CWC22: variants seen among roughly 807,000 people sequenced by gnomAD.
CWC22 encodes pre-mRNA-splicing factor CWC22 homolog.
Under a neutral mutation model 117.2 loss-of-function variants are expected in CWC22, and 53 were observed. The observed-to-expected ratio is 0.45, with a 90% CI of 0.36 to 0.57. CWC22 has a LOEUF of 0.57. Ranked by LOEUF, CWC22 falls within the 20% of genes least tolerant of loss-of-function variation. The pLI is 0.00. For missense variants in CWC22, 980 were observed against 1,068.8 expected (o/e 0.92, Z 1.16); for synonymous variants, 360 against 355.6 (o/e 1.01, Z -0.14).
At position 179,945,044 on chromosome 2, in the gene CWC22, G is replaced by T. The variant is rs1686253737; in HGVS notation, c.*85C>A. On this transcript the variant is annotated 3_prime_UTR_variant, in exon 20 of 20. Transcript: ENST00000410053. The stretch of plus-strand genomic sequence containing the variant: ...AAATACAAACCAATACTTTATACAA[G>T]AATTCTCTATAAAGTTCGTCAAAGT... 2.3e-6 allele frequency: 2 copies of T among 882,578 alleles called. No homozygotes were observed. The highest frequency in any genetic ancestry group is 3.4e-6 in the Non-Finnish European group (2 of 596,252). The allele number at this position is 882,578 out of a possible 1,614,324, so 54.7% of individuals were successfully genotyped here. A position where few individuals can be genotyped will look rare whatever the true frequency, so the allele number is the denominator to read the frequency against.
chr2:179,949,517 G>A (rs1033674902), intron 19 of CWC22, among the ~76,000 whole-genome samples: 7 of 152,070 alleles, frequency 4.6e-5, no homozygotes, highest in East Asian at 1.9e-4. Flanking sequence ...TGAAAAAGAC[G>A]GTCAATTTGA....
Position 179,945,114 on chromosome 2 carries a change from T to A in CWC22, c.*15A>T. The A allele has an allele frequency of 6.4e-7, 1 of 1,560,790 alleles. No individual in the cohort carries two copies. The highest frequency in any genetic ancestry group is 8.7e-7 in the Non-Finnish European group (1 of 1,154,238). The stretch of plus-strand genomic sequence containing the variant: ...CTGAATATAAGGCATGTCCAGTTTA[T>A]GTCATTTTGTAGAATTATTTTTGTT... On this transcript the variant is annotated 3_prime_UTR_variant, in exon 20 of 20. Transcript: ENST00000410053.
chr2:179,954,170 A>G, intron 16 of CWC22, 35 bp downstream of exon 16: 1 of 1,513,948 alleles, frequency 6.6e-7, no homozygotes, highest in South Asian at 1.2e-5. Flanking sequence ...ACAGGGAATT[A>G]GGAAGGAAGT....
In CWC22 at chr2:179,965,941, C is replaced by T; in HGVS notation, c.1252G>A (p.Asp418Asn). The change falls in exon 12 of 20, where the codon GAT (aspartate) becomes AAT (asparagine). Residue 418 changes from aspartate (D) to asparagine (N), a missense_variant. Coordinates refer to ENST00000410053, the MANE Select transcript of CWC22 (RefSeq NM_020943.3). ...TCGTCCTCTTCACTACTCCCAGCAT[C>T]CTGGTCTGTGTTCGAGTCAGTATCT... ...EGDTDSNTDQ[D>N]AGSSEEDEEE... 6.2e-7 allele frequency: 1 copy of T among 1,612,366 alleles called. No homozygotes were observed.
chr2:180,006,217 T>C (rs1483908823), intron 1 of CWC22, among the ~76,000 whole-genome samples: 1 of 152,230 alleles, frequency 6.6e-6, no homozygotes, highest in Non-Finnish European at 1.5e-5. Context: ...AATTCTTGCA[T>C]CTAGAATAGC....
intron 3 of CWC22, 109 bp downstream of exon 3, chr2:179,988,468 C>T (rs1687474955): frequency 4.8e-6 from 3 of 625,512 alleles, no homozygotes; most frequent in Non-Finnish European, 8.4e-6. Flanking sequence ...GTTATAAAAC[C>T]ATTAAAAAGA....
At chr2:179,986,094 G>A (rs1687412250) in intron 4 of CWC22, among the ~76,000 whole-genome samples, 1 of 151,964 alleles carries the variant, frequency 6.6e-6, no homozygotes, top group East Asian at 1.9e-4. Flanking sequence ...TCATTCCAAT[G>A]TTTCTTACCA....
At chr2:179,992,490 C>G (rs1436624874) in intron 2 of CWC22, among the ~76,000 whole-genome samples, 1 of 152,044 alleles carries the variant, frequency 6.6e-6, no homozygotes, top group Non-Finnish European at 1.5e-5. Flanking sequence ...TCAATGGGCC[C>G]TACTCATCCC....
Position 179,945,735 on chromosome 2 carries a change from G to A in CWC22, c.2141-20C>T. The A allele has an allele frequency of 1.5e-6, 2 of 1,368,156 alleles. No homozygotes were observed. The highest frequency in any genetic ancestry group is 2.0e-6 in the Non-Finnish European group (2 of 992,850). 84.8% of individuals were successfully genotyped at this position (1,368,156 alleles called of 1,614,324 possible). A position where few individuals can be genotyped will look rare whatever the true frequency, so the allele number is the denominator to read the frequency against. On this transcript the variant is annotated intron_variant, in intron 19 of 19. Coordinates refer to ENST00000410053, the MANE Select transcript of CWC22 (RefSeq NM_020943.3). ...CATTAGCTGCGTGTGTAAAATAAAA[G>A]ACAGTTAGCTTTTATTTCAATCTTA...
Position 179,971,094 on chromosome 2 carries a change from T to A in CWC22, c.805-18A>T. 2 of 1,485,384 alleles carry A rather than the reference T, an allele frequency of 1.3e-6. No homozygotes were observed. The highest frequency in any genetic ancestry group is 1.3e-5 in the South Asian group (1 of 74,438). 92.0% of individuals were successfully genotyped at this position (1,485,384 alleles called of 1,614,324 possible). ...TCGTGTGCCTTAAATAAAATACATA[T>A]ACAAGGAAGAAACAAAATGCTTTTA... On this transcript the variant is annotated intron_variant, in intron 8 of 19. Transcript: ENST00000410053.
At chr2:179,973,309 T>G in intron 7 of CWC22, 63 bp from the exon 8 acceptor site, 1 of 1,134,138 alleles carries the variant, frequency 8.8e-7, no homozygotes, top group Non-Finnish European at 1.3e-6. Flanking sequence ...ATTTACATAA[T>G]CTATGGCCTA....
chr2:179,956,505 A>G (rs936723175), intron 14 of CWC22, among the ~76,000 whole-genome samples: 4 of 151,428 alleles, frequency 2.6e-5, no homozygotes, highest in African/African-American at 9.7e-5. Context: ...CTGATACTCA[A>G]GGAACAATCT....
chr2:179,959,999 G>A (rs937927641), intron 13 of CWC22, among the ~76,000 whole-genome samples: 9 of 151,902 alleles, frequency 5.9e-5, no homozygotes, highest in Non-Finnish European at 8.8e-5. Flanking sequence ...AGATAAAAGG[G>A]TTTCTATTCT....
intron 6 of CWC22, among the ~76,000 whole-genome samples, chr2:179,974,044 C>T (rs1243359266): frequency 6.6e-6 from 1 of 152,150 alleles, no homozygotes; most frequent in Non-Finnish European, 1.5e-5. Flanking sequence ...AAATTTTTCT[C>T]TCTACATATA....
At chr2:179,994,832 C>A (rs10754991) in intron 1 of CWC22, among the ~76,000 whole-genome samples, 151,368 of 152,320 alleles carry the variant, frequency 0.99, 75,219 homozygotes, top group Middle Eastern at 1. Flanking sequence ...AGTTGTCCCC[C>A]AATCTTTTCT....
chr2:179,993,002 T>C (rs1687607131), intron 2 of CWC22, among the ~76,000 whole-genome samples: 1 of 84,446 alleles, frequency 1.2e-5, no homozygotes, highest in African/African-American at 4.2e-5. Context: ...CATCCATGTG[T>C]ATACACACAC....
At chr2:179,979,980 C>A (rs1038909690) in intron 5 of CWC22, among the ~76,000 whole-genome samples, 3 of 152,210 alleles carry the variant, frequency 2.0e-5, no homozygotes, top group African/African-American at 4.8e-5. Flanking sequence ...CCCTTTACAG[C>A]CTACGAACAG....
chr2:179,996,034 T>C (rs940485400), intron 1 of CWC22, among the ~76,000 whole-genome samples: 1 of 152,200 alleles, frequency 6.6e-6, no homozygotes, highest in African/African-American at 2.4e-5. Context: ...TGCCAAGAAC[T>C]GAACTAAGAT....
chr2:179,965,977 G>C lies in CWC22; in HGVS notation c.1216C>G (p.Leu406Val). ...EKYKAIKKEI[L>V]DEGDTDSNTD... ...TTCGAGTCAGTATCTCCCTCATCAA[G>C]AATTTCTGTAAAGTACAAAGTAAGT... The change falls in exon 12 of 20, where the codon CTT becomes GTT. Residue 406 changes from leucine to valine, a missense_variant. Physicochemically the swap from Leu to Val is conservative, Grantham distance 32. Coordinates refer to ENST00000410053, the MANE Select transcript of CWC22 (RefSeq NM_020943.3). The C allele has an allele frequency of 6.2e-7, 1 of 1,607,790 alleles. No homozygotes were observed. The highest frequency in any genetic ancestry group is 8.5e-7 in the Non-Finnish European group (1 of 1,176,394).
Sources: gnomAD v4.1 joint callset for allele counts (sites outside exome capture counted in the v4.1 genomes callset) on GRCh38, gnomAD v4.1.1 for gene constraint, MANE v1.5 for transcripts, NCBI Gene and HGNC (gene_info 2026-07-23, HGNC 2026-07-21) for gene names.